NAP1L3: variants seen among roughly 807,000 people sequenced by gnomAD.
NAP1L3 encodes nucleosome assembly protein 1-like 3.
For synonymous variants in NAP1L3, 127 were observed against 131.9 expected, an observed-to-expected ratio of 0.96 and a Z score of 0.25; for missense variants, 378 against 369.9, an observed-to-expected ratio of 1.02 and a Z score of -0.18.
At position 93,673,270 on chromosome X, in the gene NAP1L3, G is replaced by C; in HGVS notation, c.35C>G (p.Pro12Arg). 1.7e-6 allele frequency: 2 copies of C among 1,198,343 alleles called. No individual in the cohort carries two copies. The highest frequency in any genetic ancestry group is 2.3e-6 in the Non-Finnish European group (2 of 887,334). Residue 12 changes from proline to arginine, a missense_variant, in exon 1 of 1, where the codon CCT becomes CGT. Pro to Arg is a moderately radical substitution (Grantham distance 103). Coordinates refer to ENST00000373079, the MANE Select transcript of NAP1L3 (RefSeq NM_004538.6). ...AEADFKMVSE[P>R]VAHGVAEEEM... Reference sequence around the variant, plus strand: ...CTCTTCGGCAACCCCATGGGCGACAGGTTCCGAGACCATTTTAAAATCTGC... The same window carrying C: ...CTCTTCGGCAACCCCATGGGCGACACGTTCCGAGACCATTTTAAAATCTGC...
In NAP1L3 at chrX:93,671,056, A is replaced by G. The variant is rs1034028227; in HGVS notation, c.*728T>C. The G allele has an allele frequency of 8.9e-6, 1 of 112,112 alleles. No individual in the cohort carries two copies. Among genetic ancestry groups the G allele is most frequent in the Non-Finnish European group, 1.9e-5 (1 of 53,251 alleles). The allele number at this position is 112,112 out of a possible 1,213,427, so 9.2% of individuals were successfully genotyped here. A position where few individuals can be genotyped will look rare whatever the true frequency, so the allele number is the denominator to read the frequency against. ...AGGTAGAACACAATACAAAGAAAAC[A>G]CGGTATCTTTAGTTTACAATTACAC... On this transcript the variant is annotated 3_prime_UTR_variant, in exon 1 of 1. Transcript: ENST00000373079.
rs982103855 is a variant in NAP1L3, at chrX:93,673,280, C to T, written c.25G>A (p.Val9Ile). The change falls in exon 1 of 1, where the codon GTC becomes ATC. Residue 9 changes from valine to isoleucine, a missense_variant. Val to Ile is a conservative substitution (Grantham distance 29, BLOSUM62 3). Coordinates refer to ENST00000373079, the MANE Select transcript of NAP1L3 (RefSeq NM_004538.6). MAEADFKM[V>I]SEPVAHGVAE... ...ACCCCATGGGCGACAGGTTCCGAGA[C>T]CATTTTAAAATCTGCTTCTGCCATC... 3 of 1,193,171 alleles carry T rather than the reference C, an allele frequency of 2.5e-6. No homozygotes were observed. The highest frequency in any genetic ancestry group is 3.4e-6 in the Non-Finnish European group (3 of 884,660).
Position 93,673,446 on chromosome X carries a change from C to G in NAP1L3, c.-142G>C. The G allele has an allele frequency of 2.0e-6, 2 of 1,009,679 alleles. No individual in the cohort carries two copies. Among genetic ancestry groups the G allele is most frequent in the South Asian group, 2.7e-5 (1 of 37,108 alleles). 83.2% of individuals were successfully genotyped at this position (1,009,679 alleles called of 1,213,427 possible). Reference sequence around the variant, plus strand: ...ATGGCAGCAGCGGCGCAGAGCGGAGCTGGAGCTGGGGATGCAGAGGCCGGC... The same window carrying G: ...ATGGCAGCAGCGGCGCAGAGCGGAGGTGGAGCTGGGGATGCAGAGGCCGGC... On this transcript the variant is annotated 5_prime_UTR_variant, in exon 1 of 1. Transcript: ENST00000373079.
chrX:93,671,747 G>T lies in NAP1L3; in HGVS notation c.*37C>A, dbSNP rs752800714. 1 of 1,155,747 alleles carries T rather than the reference G, an allele frequency of 8.7e-7. No individual in the cohort carries two copies. Among genetic ancestry groups the T allele is most frequent in the Admixed American group, 2.7e-5 (1 of 37,367 alleles). On this transcript the variant is annotated 3_prime_UTR_variant, in exon 1 of 1. Coordinates refer to ENST00000373079, the MANE Select transcript of NAP1L3 (RefSeq NM_004538.6). ...GCTGTATGAATCTGCTTCACTTCTT[G>T]AGATTTTAAGATTCTTGAAAAATCT... is the stretch of plus-strand genomic sequence containing the variant.
chrX:93,671,835 A>C lies in NAP1L3; in HGVS notation c.1470T>G (p.Gly490=). 1 of 1,209,986 alleles carries C rather than the reference A, an allele frequency of 8.3e-7. No individual in the cohort carries two copies. Among genetic ancestry groups the C allele is most frequent in the East Asian group, 3.0e-5 (1 of 33,812 alleles). Residue 490 remains glycine, a synonymous_variant, in exon 1 of 1, where the codon GGT becomes GGG. Coordinates refer to ENST00000373079, the MANE Select transcript of NAP1L3 (RefSeq NM_004538.6). ...SIYYYTGEVN[G]TYYQFGKHYG... is the part of the protein sequence containing the mutation. Reference sequence around the variant, plus strand: ...AATGTTTGCCAAATTGATAGTAGGTACCATTGACTTCTCCAGTATAGTAAT... The same window carrying C: ...AATGTTTGCCAAATTGATAGTAGGTCCCATTGACTTCTCCAGTATAGTAAT...
In NAP1L3 at chrX:93,671,868, T is replaced by C. The variant is rs2147559805; in HGVS notation, c.1437A>G (p.Lys479=). 1 of 1,211,443 alleles carries C rather than the reference T, an allele frequency of 8.3e-7. No homozygotes were observed. Among genetic ancestry groups the C allele is most frequent in the East Asian group, 3.0e-5 (1 of 33,815 alleles). ...GQILHDNVIL[K]SIYYYTGEVN... ...CTTCTCCAGTATAGTAATAGATTGA[T>C]TTCAGGATGACATTATCATGTAAAA... The change falls in exon 1 of 1, where the codon AAA becomes AAG. Residue 479 remains lysine, a synonymous_variant. Transcript: ENST00000373079.
chrX:93,673,143 G>A lies in NAP1L3; in HGVS notation c.162C>T (p.Ser54=). 1 of 1,209,416 alleles carries A rather than the reference G, an allele frequency of 8.3e-7. No individual in the cohort carries two copies. The highest frequency in any genetic ancestry group is 1.1e-6 in the Non-Finnish European group (1 of 894,849). The change falls in exon 1 of 1, where the codon AGC becomes AGT. Residue 54 remains serine (S), a synonymous_variant. Coordinates refer to ENST00000373079, the MANE Select transcript of NAP1L3 (RefSeq NM_004538.6). The part of the protein sequence containing the change: ...DSSSSSSTSG[S]SSGSGSSSSS... ...TGCTGCTGCTGCCGCTGCCGCTGCT[G>A]CTGCCACTAGTGCTGCTGCTGCTGC...
At position 93,672,857 on chromosome X, in the gene NAP1L3, T is replaced by C. The variant is rs1481805401; in HGVS notation, c.448A>G (p.Ile150Val). 8.3e-7 allele frequency: 1 copy of C among 1,209,942 alleles called. No homozygotes were observed. Among genetic ancestry groups the C allele is most frequent in the African/African-American group, 1.8e-5 (1 of 57,120 alleles). ...NKPLYDRRFQ[I>V]INAEYEPTEE... ...GTAGGCTCGTATTCTGCATTGATGA[T>C]TTGAAACCGCCTATCATACAGAGGC... The change falls in exon 1 of 1, where the codon ATC becomes GTC. Residue 150 changes from isoleucine (I) to valine (V), a missense_variant. Coordinates refer to ENST00000373079, the MANE Select transcript of NAP1L3 (RefSeq NM_004538.6).
chrX:93,671,628 A>G lies in NAP1L3; in HGVS notation c.*156T>C, dbSNP rs898764105. On this transcript the variant is annotated 3_prime_UTR_variant, in exon 1 of 1. Coordinates refer to ENST00000373079, the MANE Select transcript of NAP1L3 (RefSeq NM_004538.6). ...TGGCACTTAGACACTTTTTAGGACT[A>G]TTTTTAAAATATAGACTACCAAGAA... The G allele has an allele frequency of 6.7e-6, 6 of 896,624 alleles. No homozygotes were observed. The highest frequency in any genetic ancestry group is 5.9e-6 in the Non-Finnish European group (4 of 678,257). The allele number at this position is 896,624 out of a possible 1,213,427, so 73.9% of individuals were successfully genotyped here.
At position 93,673,238 on chromosome X, in the gene NAP1L3, C is replaced by T; in HGVS notation, c.67G>A (p.Ala23Thr). ...TCCCCAGAATCACTAGTCGAGCTAG[C>T]CATCTCCTCTTCGGCAACCCCATGG... ...VAHGVAEEEM[A>T]SSTSDSGEES... Residue 23 changes from alanine (A) to threonine (T), a missense_variant, in exon 1 of 1, where the codon GCT becomes ACT. Coordinates refer to ENST00000373079, the MANE Select transcript of NAP1L3 (RefSeq NM_004538.6). 1 of 1,208,712 alleles carries T rather than the reference C, an allele frequency of 8.3e-7. No homozygotes were observed. Among genetic ancestry groups the T allele is most frequent in the African/African-American group, 1.7e-5 (1 of 57,784 alleles).
chrX:93,671,320 G>C lies in NAP1L3; in HGVS notation c.*464C>G, dbSNP rs745388047. On this transcript the variant is annotated 3_prime_UTR_variant, in exon 1 of 1. Coordinates refer to ENST00000373079, the MANE Select transcript of NAP1L3 (RefSeq NM_004538.6). Reference sequence around the variant, plus strand: ...TGGATTTCTATAGCAAACTAATGAAGGCACAGCTAGTGCAAGCAGATTTAA... The same window carrying C: ...TGGATTTCTATAGCAAACTAATGAACGCACAGCTAGTGCAAGCAGATTTAA... The C allele has an allele frequency of 1.1e-3, 125 of 113,284 alleles. 2 individuals are homozygous for C. The highest frequency in any genetic ancestry group is 7.5e-3 in the Admixed American group (79 of 10,564). The allele number at this position is 113,284 out of a possible 1,213,427, so 9.3% of individuals were successfully genotyped here.
rs143691576 is a variant in NAP1L3, at chrX:93,671,391, G to C, written c.*393C>G. On this transcript the variant is annotated 3_prime_UTR_variant, in exon 1 of 1. Coordinates refer to ENST00000373079, the MANE Select transcript of NAP1L3 (RefSeq NM_004538.6). Reference sequence around the variant, plus strand: ...GAAAAAAGAAAAAAATAAAACACTTGCATTGGTACTTCATGAACTTTTTTT... The same window carrying C: ...GAAAAAAGAAAAAAATAAAACACTTCCATTGGTACTTCATGAACTTTTTTT... 2,176 of 121,013 alleles carry C rather than the reference G, an allele frequency of 0.018. 56 individuals carry two copies. The highest frequency in any genetic ancestry group is 0.067 in the African/African-American group (2,072 of 30,868). The allele number at this position is 121,013 out of a possible 1,213,427, so 10.0% of individuals were successfully genotyped here.
chrX:93,672,634 G>A lies in NAP1L3; in HGVS notation c.671C>T (p.Pro224Leu), dbSNP rs747022104. 1 of 1,210,572 alleles carries A rather than the reference G, an allele frequency of 8.3e-7. No homozygotes were observed. The highest frequency in any genetic ancestry group is 2.2e-5 in the Admixed American group (1 of 45,973). ...AGCCTTTACCTCAGGAATTTCTTTA[G>A]GAACTTCCTTTTCTTCATCCTTCAC... ...PEVKDEEKEV[P>L]KEIPEVKAEE... The change falls in exon 1 of 1, where the codon CCT (proline) becomes CTT (leucine). Residue 224 changes from proline (P) to leucine (L), a missense_variant. Pro to Leu is a moderately conservative substitution (Grantham distance 98). Transcript: ENST00000373079.
Position 93,673,505 on chromosome X carries a change from A to G in NAP1L3, c.-201T>C. 1.6e-6 allele frequency: 1 copy of G among 634,357 alleles called. No individual in the cohort carries two copies. Among genetic ancestry groups the G allele is most frequent in the Non-Finnish European group, 2.3e-6 (1 of 436,322 alleles). The allele number at this position is 634,357 out of a possible 1,213,427, so 52.3% of individuals were successfully genotyped here. On this transcript the variant is annotated 5_prime_UTR_variant, in exon 1 of 1. Transcript: ENST00000373079. ...GGCAGCGGCAGTGGAGGCTTGGGCG[A>G]CAGCGGTGGCGGCAAGGCCTCTCCC...
chrX:93,672,440 G>A lies in NAP1L3; in HGVS notation c.865C>T (p.Leu289Phe). The change falls in exon 1 of 1, where the codon CTT (leucine) becomes TTT (phenylalanine). Residue 289 changes from leucine (L) to phenylalanine (F), a missense_variant. Leu to Phe is a conservative substitution (Grantham distance 22). Coordinates refer to ENST00000373079, the MANE Select transcript of NAP1L3 (RefSeq NM_004538.6). Reference protein sequence around the residue: ...ETHKRVPEERLQDSVDLKRAR... With the variant: ...ETHKRVPEERFQDSVDLKRAR... ...CTTTTAAGATCTACACTGTCCTGAA[G>A]CCTTTCCTCAGGAACTCTTTTATGA... 3 of 1,211,588 alleles carry A rather than the reference G, an allele frequency of 2.5e-6. No homozygotes were observed. Among genetic ancestry groups the A allele is most frequent in the Non-Finnish European group, 3.4e-6 (3 of 895,504 alleles).
rs1339562273 is a variant in NAP1L3 at position 93,673,224 on chromosome X, ACTAGTCGAG to A, written c.72_80del (p.Ser25_Ser27del). The A allele has an allele frequency of 8.3e-7, 1 of 1,210,831 alleles. No homozygotes were observed. The highest frequency in any genetic ancestry group is 1.7e-5 in the African/African-American group (1 of 57,838). ...TGCTGTCAGATTCTTCCCCAGAATC[ACTAGTCGAG>A]CTAGCCATCTCCTCTTCGGCAACCC... On this transcript the variant is annotated inframe_deletion, in exon 1 of 1. Transcript: ENST00000373079.
Position 93,672,095 on chromosome X carries a change from T to G in NAP1L3, c.1210A>C (p.Ile404Leu). 8.3e-7 allele frequency: 1 copy of G among 1,208,292 alleles called. No individual in the cohort carries two copies. Among genetic ancestry groups the G allele is most frequent in the Non-Finnish European group, 1.1e-6 (1 of 893,494 alleles). Residue 404 changes from isoleucine (I) to leucine (L), a missense_variant, in exon 1 of 1, where the codon ATA becomes CTA. By Grantham distance (5) the Ile-to-Leu change is conservative. Coordinates refer to ENST00000373079, the MANE Select transcript of NAP1L3 (RefSeq NM_004538.6). The stretch of plus-strand genomic sequence containing the variant: ...ACATCTTTTCCTCTTCTCCAGTCTA[T>G]CTTGCAGCCTTTGCAATCTTCAATT... ...WEIEDCKGCK[I>L]DWRRGKDVTV...
Position 93,671,004 on chromosome X carries a change from T to C in NAP1L3, c.*780A>G, listed in dbSNP as rs2147559222. The stretch of plus-strand genomic sequence containing the variant: ...CAAGAACATGAAAAACAGTATCAAA[T>C]GAAGTGATCATTTTCAGTGAAAGGG... On this transcript the variant is annotated 3_prime_UTR_variant, in exon 1 of 1. Coordinates refer to ENST00000373079, the MANE Select transcript of NAP1L3 (RefSeq NM_004538.6). 1.8e-5 allele frequency: 2 copies of C among 111,840 alleles called. No homozygotes were observed. The highest frequency in any genetic ancestry group is 3.8e-5 in the Non-Finnish European group (2 of 53,209). The allele number at this position is 111,840 out of a possible 1,213,427, so 9.2% of individuals were successfully genotyped here.
Position 93,672,580 on chromosome X carries a change from A to C in NAP1L3, c.725T>G (p.Met242Arg), listed in dbSNP as rs1263044690. The C allele has an allele frequency of 8.3e-7, 1 of 1,209,548 alleles. No homozygotes were observed. The highest frequency in any genetic ancestry group is 1.8e-5 in the African/African-American group (1 of 56,963). Residue 242 changes from methionine to arginine, a missense_variant, in exon 1 of 1, where the codon ATG becomes AGG. Transcript: ENST00000373079. ...TTCTTTTACTTCAGGGGTTGCCTCCATACAGTCTTTAGAATCTGCTTTTTC... is the reference window on the plus strand; with the variant it reads ...TTCTTTTACTTCAGGGGTTGCCTCCCTACAGTCTTTAGAATCTGCTTTTTC... ...AEEKADSKDCMEATPEVKEDP... is the reference protein window; with the variant it reads ...AEEKADSKDCREATPEVKEDP...
Sources: allele counts gnomAD v4.1 joint callset, GRCh38; gene constraint gnomAD v4.1.1; transcripts MANE v1.5; gene names NCBI Gene and HGNC (gene_info 2026-07-23, HGNC 2026-07-21).